The following ABCA12 variants were observed in gnomAD, a reference collection of about 807,000 sequenced individuals.
ABCA12 encodes the protein ATP binding cassette subfamily A member 12, also known as glucosylceramide transporter ABCA12.
In ABCA12, 156 loss-of-function variants were observed where a neutral mutation model predicts 293.5. That is an observed-to-expected ratio of 0.53 (90% CI 0.47 to 0.61). The LOEUF (loss-of-function observed/expected upper bound fraction) is 0.61, where lower values mean the gene tolerates loss of function less well. Among genes scored for constraint, ABCA12 ranks in the 20% least tolerant of loss-of-function variants. ABCA12 has a pLI of 0.00. For synonymous variants in ABCA12, 1,063 were observed against 1,108.0 expected, an observed-to-expected ratio of 0.96 and a Z score of 0.81; for missense variants, 2,797 against 3,090.2, an observed-to-expected ratio of 0.91 and a Z score of 2.25.
chr2:215,118,837 G>A (rs1468154511), intron 1 of ABCA12, among the ~76,000 whole-genome samples: 5 of 152,056 alleles, frequency 3.3e-5, no homozygotes, highest in African/African-American at 1.2e-4. Context: ...CATGTCTTTT[G>A]CCCGTTTTTT....
At chr2:215,019,893 A>G in intron 11 of ABCA12, 97 bp from the exon 12 acceptor site, 1 of 1,443,552 alleles carries the variant, frequency 6.9e-7, no homozygotes, top group Admixed American at 1.7e-5. Flanking sequence ...TTCCTTTAAG[A>G]AAAACATTCT....
intron 50 of ABCA12, among the ~76,000 whole-genome samples, chr2:214,942,490 G>A (rs571612056): frequency 8.3e-4 from 126 of 152,166 alleles, no homozygotes; most frequent in African/African-American, 2.9e-3. Flanking sequence ...TTTGAATGTG[G>A]TATGAATGTT....
intron 1 of ABCA12, among the ~76,000 whole-genome samples, chr2:215,126,073 T>G (rs978924834): frequency 6.6e-6 from 1 of 152,214 alleles, no homozygotes; most frequent in African/African-American, 2.4e-5. Flanking sequence ...TTGTTTTTAA[T>G]TCTGTTTATG....
At chr2:214,991,318 C>G (rs1473869408) in intron 23 of ABCA12, among the ~76,000 whole-genome samples, 1 of 152,166 alleles carries the variant, frequency 6.6e-6, no homozygotes, top group African/African-American at 2.4e-5. Context: ...CAGCTGACAT[C>G]TCTAGATTAA....
chr2:215,008,669 G>C (rs889401187), intron 18 of ABCA12, among the ~76,000 whole-genome samples: 13 of 152,044 alleles, frequency 8.6e-5, no homozygotes, highest in African/African-American at 2.7e-4. Context: ...ATAAAGGATT[G>C]GAGTAATAGA....
chr2:215,052,006 G>A (rs1016676514), intron 5 of ABCA12, among the ~76,000 whole-genome samples: 5 of 151,088 alleles, frequency 3.3e-5, no homozygotes, highest in African/African-American at 9.9e-5. Flanking sequence ...AAATCTTAAA[G>A]TAGATGATCT....
At chr2:215,007,411 A>G (rs530248795) in intron 19 of ABCA12, among the ~76,000 whole-genome samples, 11 of 152,208 alleles carry the variant, frequency 7.2e-5, no homozygotes, top group Non-Finnish European at 1.5e-4. Context: ...AAGGAGAGAA[A>G]TCAATAACAA....
Position 215,138,216 on chromosome 2 carries a change from A to G in ABCA12, c.-8T>C, listed in dbSNP as rs765549092. ...ATGAAACAGGGAAGCCATCCTTCAAATGCCCCAAATGAGAGATTTCCTCTT... is the reference window on the plus strand; with the variant it reads ...ATGAAACAGGGAAGCCATCCTTCAAGTGCCCCAAATGAGAGATTTCCTCTT... On this transcript the variant is annotated 5_prime_UTR_variant, in exon 1 of 53. Transcript: ENST00000272895. 9.3e-6 allele frequency: 15 copies of G among 1,614,008 alleles called. No individual in the cohort carries two copies. The highest frequency in any genetic ancestry group is 1.7e-4 in the Middle Eastern group (1 of 6,060).
chr2:215,088,842 C>T (rs926832904), intron 2 of ABCA12, among the ~76,000 whole-genome samples: 1 of 152,196 alleles, frequency 6.6e-6, no homozygotes, highest in Non-Finnish European at 1.5e-5. Context: ...TGATGTGACA[C>T]AGTGTCTCCT....
intron 7 of ABCA12, among the ~76,000 whole-genome samples, chr2:215,039,478 G>A (rs906874932): frequency 5.9e-5 from 9 of 152,058 alleles, no homozygotes; most frequent in Non-Finnish European, 1.0e-4. Context: ...AGTAAAGGCC[G>A]GGCGCAGTGG....
chr2:215,114,060 C>T (rs1285537973), intron 1 of ABCA12, among the ~76,000 whole-genome samples: 1 of 152,118 alleles, frequency 6.6e-6, no homozygotes, highest in Admixed American at 6.6e-5. Flanking sequence ...CTGCAACCTC[C>T]GCCTCCTAGG....
intron 39 of ABCA12, among the ~76,000 whole-genome samples, chr2:214,966,374 C>T (rs1699259097): frequency 6.6e-6 from 1 of 152,082 alleles, no homozygotes; most frequent in Admixed American, 6.6e-5. Flanking sequence ...GCACATCTGG[C>T]ACATGTACCC....
intron 2 of ABCA12, among the ~76,000 whole-genome samples, chr2:215,075,126 T>C (rs1054216110): frequency 6.6e-6 from 1 of 152,056 alleles, no homozygotes; most frequent in Non-Finnish European, 1.5e-5. Flanking sequence ...TGATCCATTA[T>C]TCCAGTGGCT....
intron 2 of ABCA12, among the ~76,000 whole-genome samples, chr2:215,111,012 A>G (rs1203722510): frequency 1.3e-5 from 2 of 152,204 alleles, no homozygotes; most frequent in Non-Finnish European, 2.9e-5. Flanking sequence ...AGTCCTTTCT[A>G]CTTTTTCATT....
At chr2:214,990,636 AAAACAAAC>A (rs757283402) in intron 24 of ABCA12, 58 bp downstream of exon 24, 22 of 1,541,122 alleles carry the variant, frequency 1.4e-5, no homozygotes, top group Middle Eastern at 1.7e-4. Flanking sequence ...TGAGAATCCA[AAAACAAAC>A]AAACAAACAA....
At chr2:214,991,455 G>A (rs1323609250) in intron 23 of ABCA12, among the ~76,000 whole-genome samples, 3 of 152,074 alleles carry the variant, frequency 2.0e-5, no homozygotes. Context: ...GTTCAGTGTA[G>A]AGACTGAGCT....
At chr2:215,008,030 C>T (rs538119568) in intron 18 of ABCA12, among the ~76,000 whole-genome samples, 184 bp from the exon 19 acceptor site, 25 of 152,278 alleles carry the variant, frequency 1.6e-4, no homozygotes, top group South Asian at 4.1e-4. Context: ...TTCATAGGGT[C>T]AAGTTCATTT....
At chr2:214,949,866 G>GT (rs1698699725) in intron 45 of ABCA12, among the ~76,000 whole-genome samples, 1 of 152,208 alleles carries the variant, frequency 6.6e-6, no homozygotes, top group South Asian at 2.1e-4. Flanking sequence ...AACTTGCTGT[G>GT]TGGTAGGACC....
chr2:215,105,826 GACTA>G lies in ABCA12; in HGVS notation c.163+5767_163+5770del, dbSNP rs1396777005. 2.0e-5 allele frequency among the ~76,000 whole-genome samples: 3 copies of G among 152,242 alleles called. No individual in the cohort carries two copies. The East Asian group carries it at 5.8e-4, about 29-fold the overall frequency. On this transcript the variant is annotated intron_variant, in intron 2 of 52. Coordinates refer to ENST00000272895, the MANE Select transcript of ABCA12 (RefSeq NM_173076.3). ...TGATTCAGATGTTTCTAACCTGAAAGACTAACTAGTGTTGCTGGTACTCATGAGA... is the reference window on the plus strand; with the variant it reads ...TGATTCAGATGTTTCTAACCTGAAAGACTAGTGTTGCTGGTACTCATGAGA...
Sources: gnomAD v4.1 joint callset for allele counts (sites outside exome capture counted in the v4.1 genomes callset) on GRCh38, gnomAD v4.1.1 for gene constraint, MANE v1.5 for transcripts, NCBI Gene and HGNC (gene_info 2026-07-23, HGNC 2026-07-21) for gene names.